Variants in OSBPL6 observed in about 807,000 individuals in gnomAD.
OSBPL6 encodes the protein oxysterol binding protein like 6, also known as oxysterol-binding protein-related protein 6.
A neutral mutation model predicts 125.8 loss-of-function variants in OSBPL6; 49 were observed. That is an observed-to-expected ratio of 0.39 (90% confidence interval 0.31 to 0.49). The LOEUF (loss-of-function observed/expected upper bound fraction) is 0.49, where lower values mean the gene tolerates loss of function less well. Among genes scored for constraint, OSBPL6 ranks in the 20% least tolerant of loss-of-function variants. The probability of loss-of-function intolerance (pLI) is 0.88; values close to 1 mark genes in which losing one functional copy is unlikely to be tolerated. For missense variants in OSBPL6, 986 were observed against 1,135.4 expected (o/e 0.87, Z 1.89); for synonymous variants, 394 against 391.8 (o/e 1.01, Z -0.07).
At chr2:178,272,611 T>C (rs1157341681) in intron 1 of OSBPL6, among the ~76,000 whole-genome samples, 2 of 152,196 alleles carry the variant, frequency 1.3e-5, no homozygotes, top group African/African-American at 4.8e-5. Flanking sequence ...GTAAATGCCC[T>C]GGGAGTAGCA....
intron 1 of OSBPL6, among the ~76,000 whole-genome samples, chr2:178,238,606 G>GA (rs770340035): frequency 5.9e-4 from 90 of 151,434 alleles, no homozygotes; most frequent in Non-Finnish European, 1.0e-3. Flanking sequence ...TGGGAAGAAG[G>GA]AAAAAAAAAT....
Position 178,392,481 on chromosome 2 carries a change from A to T in OSBPL6, c.2516A>T (p.Asp839Val), listed in dbSNP as rs1302077495. The T allele has an allele frequency of 3.7e-6, 6 of 1,614,098 alleles. No homozygotes were observed. The highest frequency in any genetic ancestry group is 5.1e-6 in the Non-Finnish European group (6 of 1,180,016). Residue 839 changes from aspartate (D) to valine (V), a missense_variant, in exon 23 of 25, where the codon GAT becomes GTT. Asp to Val is a radical substitution (Grantham distance 152). Transcript: ENST00000190611. ...TRFAIELNEL[D>V]PVLKDLLPPT... is the part of the protein sequence containing the mutation. ...TTTGCTATTGAGCTCAATGAGTTAG[A>T]TCCAGTACTAAAAGATCTCCTTCCA...
intron 1 of OSBPL6, among the ~76,000 whole-genome samples, chr2:178,243,220 T>G (rs1204907612): frequency 5.3e-5 from 8 of 152,120 alleles, no homozygotes; most frequent in Admixed American, 5.2e-4. Flanking sequence ...GTGGAAGATA[T>G]CCAGAGGTTA....
At chr2:178,303,119 A>G (rs1686446522) in intron 2 of OSBPL6, among the ~76,000 whole-genome samples, 1 of 152,220 alleles carries the variant, frequency 6.6e-6, no homozygotes, top group East Asian at 1.9e-4. Context: ...TAAAACAAAA[A>G]GATTAGATGA....
At chr2:178,286,272 TA>T (rs1450501351) in intron 2 of OSBPL6, among the ~76,000 whole-genome samples, 1 of 152,220 alleles carries the variant, frequency 6.6e-6, no homozygotes, top group Non-Finnish European at 1.5e-5. Flanking sequence ...TGTACTTTGC[TA>T]GTATTTTGCA....
At chr2:178,387,820 A>T (rs145909820) in intron 20 of OSBPL6, among the ~76,000 whole-genome samples, 8,101 of 152,072 alleles carry the variant, frequency 0.053, 336 homozygotes, top group East Asian at 0.14. Context: ...CTGGCTAACA[A>T]GGTGAAACCC....
chr2:178,273,824 TAC>T (rs1230923029), intron 1 of OSBPL6, among the ~76,000 whole-genome samples: 3 of 152,214 alleles, frequency 2.0e-5, no homozygotes, highest in African/African-American at 7.2e-5. Context: ...GCATACAGCA[TAC>T]ACTTATTTTG....
chr2:178,343,237 C>A (rs73032576), intron 11 of OSBPL6, among the ~76,000 whole-genome samples: 2 of 151,916 alleles, frequency 1.3e-5, no homozygotes, highest in Admixed American at 1.3e-4. Flanking sequence ...AATTATTGCT[C>A]ATGGCTGGGC....
chr2:178,232,444 C>T (rs1201269490), intron 1 of OSBPL6, among the ~76,000 whole-genome samples: 4 of 152,136 alleles, frequency 2.6e-5, no homozygotes, highest in African/African-American at 9.7e-5. Flanking sequence ...GTGGTTCAAC[C>T]AGCAGCATGA....
intron 1 of OSBPL6, among the ~76,000 whole-genome samples, chr2:178,269,898 T>A (rs554318027): frequency 3.9e-4 from 60 of 152,330 alleles, no homozygotes; most frequent in African/African-American, 1.3e-3. Context: ...GCTTCCAGCT[T>A]TATCACTTGC....
At chr2:178,229,428 C>G (rs2090718791) in intron 1 of OSBPL6, among the ~76,000 whole-genome samples, 1 of 152,192 alleles carries the variant, frequency 6.6e-6, no homozygotes, top group African/African-American at 2.4e-5. Context: ...CTAGTGACCA[C>G]CATAATGGAA....
rs557424307 is a variant in OSBPL6, at chr2:178,344,802, A to G, written c.988-4422A>G. On this transcript the variant is annotated intron_variant, in intron 11 of 24. Transcript: ENST00000190611. ...AGTGTGACTATTTGAAAAGGATGTG[A>G]GAATAAAGAAATGAGAGGGTAAGAA... Among the ~76,000 whole-genome samples the G allele has an allele frequency of 5.9e-5, 9 of 152,274 alleles. No homozygotes were observed. The South Asian group carries it at 1.9e-3, about 32-fold the overall frequency.
At chr2:178,356,247 G>A (rs1691781063) in intron 12 of OSBPL6, among the ~76,000 whole-genome samples, 1 of 152,136 alleles carries the variant, frequency 6.6e-6, no homozygotes, top group Non-Finnish European at 1.5e-5. Flanking sequence ...GGGCAATCAG[G>A]CAAGAGAAAG....
intron 13 of OSBPL6, among the ~76,000 whole-genome samples, chr2:178,367,693 G>A (rs149156173): frequency 5.8e-4 from 88 of 152,356 alleles, no homozygotes; most frequent in Non-Finnish European, 1.0e-3. Context: ...GAAAGGAATT[G>A]TGTGTTTCTT....
chr2:178,280,680 A>G (rs1684071544), intron 1 of OSBPL6, among the ~76,000 whole-genome samples: 1 of 152,214 alleles, frequency 6.6e-6, no homozygotes, highest in South Asian at 2.1e-4. Context: ...GTAAGTCAAA[A>G]CCTTGTAAAT....
chr2:178,285,394 T>C lies in OSBPL6; in HGVS notation c.-156+273T>C, dbSNP rs73030629. On this transcript the variant is annotated intron_variant, in intron 2 of 24. Coordinates refer to ENST00000190611, the MANE Select transcript of OSBPL6 (RefSeq NM_032523.4). The stretch of plus-strand genomic sequence containing the variant: ...CTGGCATCATGTGGAAATATGATAC[T>C]GCTTTTCCCTTCTTGAGCAATGAAC... 6.6e-3 allele frequency among the ~76,000 whole-genome samples: 1,012 copies of C among 152,308 alleles called. 11 individuals are homozygous for C. The highest frequency in any genetic ancestry group is 0.023 in the African/African-American group (974 of 41,558).
At chr2:178,329,034 A>G (rs1021451334) in intron 5 of OSBPL6, among the ~76,000 whole-genome samples, 1 of 152,226 alleles carries the variant, frequency 6.6e-6, no homozygotes, top group Admixed American at 6.5e-5. Context: ...GATCTATATT[A>G]TATATCCCAC....
intron 1 of OSBPL6, among the ~76,000 whole-genome samples, chr2:178,283,773 A>G (rs1200911759): frequency 6.6e-6 from 1 of 152,208 alleles, no homozygotes; most frequent in Non-Finnish European, 1.5e-5. Flanking sequence ...CATTCGTGGC[A>G]GAAGATGAAG....
intron 1 of OSBPL6, among the ~76,000 whole-genome samples, chr2:178,242,007 G>A (rs1433452097): frequency 6.6e-6 from 1 of 152,198 alleles, no homozygotes; most frequent in Non-Finnish European, 1.5e-5. Context: ...CAGGGTGGGT[G>A]TGTAGTAGGC....
Sources: gnomAD v4.1 joint callset for allele counts (sites outside exome capture counted in the v4.1 genomes callset) on GRCh38, gnomAD v4.1.1 for gene constraint, MANE v1.5 for transcripts, NCBI Gene and HGNC (gene_info 2026-07-23, HGNC 2026-07-21) for gene names.